CDHR3: variants seen among roughly 807,000 people sequenced by gnomAD.
CDHR3 encodes cadherin related family member 3, also known as cadherin-related family member 3.
A neutral mutation model predicts 86.6 loss-of-function variants in CDHR3; 79 were observed. That is an observed-to-expected ratio of 0.91 (90% confidence interval 0.76 to 1.10). CDHR3 has a LOEUF of 1.10. Among genes scored for constraint, CDHR3 ranks in the 50% least tolerant of loss-of-function variants. CDHR3 has a pLI of 0.00. For missense variants in CDHR3, 1,081 were observed against 1,077.6 expected (o/e 1.00, Z -0.04); for synonymous variants, 421 against 402.4 (o/e 1.05, Z -0.55).
At chr7:105,992,228 C>T (rs1831465071) in intron 4 of CDHR3, among the ~76,000 whole-genome samples, 1 of 152,174 alleles carries the variant, frequency 6.6e-6, no homozygotes, top group African/African-American at 2.4e-5. Context: ...GCTCCTAGAG[C>T]ATTTCAAAAC....
chr7:105,965,965 T>C (rs891226030), intron 1 of CDHR3, among the ~76,000 whole-genome samples: 3 of 152,186 alleles, frequency 2.0e-5, no homozygotes, highest in Non-Finnish European at 2.9e-5. Context: ...CTGCTTGATA[T>C]TGACATTTAA....
chr7:105,980,976 C>T lies in CDHR3; in HGVS notation c.258C>T (p.Thr86=), dbSNP rs1333185328. The T allele has an allele frequency of 6.2e-7, 1 of 1,606,402 alleles. No homozygotes were observed. Among genetic ancestry groups the T allele is most frequent in the Admixed American group, 1.7e-5 (1 of 58,784 alleles). Residue 86 remains threonine, a synonymous_variant, in exon 3 of 19, where the codon ACC becomes ACT. Transcript: ENST00000317716. ...TTTGCATTTTGTTTTAGGTTGTCAC[C>T]ACTGGGATGGAACAACTAGATTTTG... is the stretch of plus-strand genomic sequence containing the variant. ...WLSGTYFEVV[T]TGMEQLDFET... is the part of the protein sequence containing the mutation.
At chr7:106,011,106 C>T (rs916846303) in intron 8 of CDHR3, among the ~76,000 whole-genome samples, 4 of 152,048 alleles carry the variant, frequency 2.6e-5, no homozygotes, top group East Asian at 1.9e-4. Flanking sequence ...ATGACAGCCA[C>T]GATATATTTT....
At chr7:105,995,975 G>A (rs1249582361) in intron 5 of CDHR3, among the ~76,000 whole-genome samples, 2 of 152,112 alleles carry the variant, frequency 1.3e-5, no homozygotes, top group East Asian at 1.9e-4. Flanking sequence ...GAAAAACACC[G>A]GGATAGATGT....
intron 4 of CDHR3, among the ~76,000 whole-genome samples, chr7:105,986,892 A>C (rs1830608665): frequency 6.6e-6 from 1 of 152,142 alleles, no homozygotes; most frequent in South Asian, 2.1e-4. Context: ...AATTGCCAAG[A>C]TGTCATATTT....
chr7:105,980,612 T>A (rs958358975), intron 2 of CDHR3, among the ~76,000 whole-genome samples: 42 of 47,092 alleles, frequency 8.9e-4, no homozygotes, highest in Non-Finnish European at 1.9e-3. Flanking sequence ...TTTTAATTTT[T>A]TTTTTTTTTA....
chr7:106,005,934 A>T (rs115127456), intron 8 of CDHR3, among the ~76,000 whole-genome samples: 2,902 of 152,260 alleles, frequency 0.019, 94 homozygotes, highest in African/African-American at 0.065. Context: ...ACCGTATTAG[A>T]CTGTTTTCAT....
intron 16 of CDHR3, chr7:106,027,598 G>T (rs1462348941): frequency 2.3e-6 from 1 of 440,802 alleles, no homozygotes. Context: ...GTCCTGGCTT[G>T]GCCTCAAGTA....
rs375707208 is a variant in CDHR3 at position 106,018,041 on chromosome 7, C to T, written c.1622C>T (p.Ala541Val). Reference protein sequence around the residue: ...TTPIYILRIQATNNEDTSSVT... With the variant: ...TTPIYILRIQVTNNEDTSSVT... Reference sequence around the variant, plus strand: ...CCCATCTATATTCTCAGAATCCAGGCCACCAACAACGAAGACACAAGCTCT... The same window carrying T: ...CCCATCTATATTCTCAGAATCCAGGTCACCAACAACGAAGACACAAGCTCT... Residue 541 changes from alanine (A) to valine (V), a missense_variant, in exon 12 of 19, where the codon GCC (alanine) becomes GTC (valine). By Grantham distance (64) the Ala-to-Val change is moderately conservative. Coordinates refer to ENST00000317716, the MANE Select transcript of CDHR3 (RefSeq NM_152750.5). 1.9e-6 allele frequency: 3 copies of T among 1,613,736 alleles called. No individual in the cohort carries two copies. In the African/African-American group the frequency reaches 4.0e-5, roughly 22 times the overall value.
chr7:106,019,388 G>GTT lies in CDHR3; in HGVS notation c.1654-971_1654-970dup, dbSNP rs35278081. Among the ~76,000 whole-genome samples the GTT allele has an allele frequency of 2.1e-3, 298 of 141,610 alleles. 1 individual carries two copies. Among genetic ancestry groups the GTT allele is most frequent in the African/African-American group, 6.0e-3 (232 of 38,782 alleles). 92.9% of individuals were successfully genotyped at this position (141,610 alleles called of 152,430 possible). A position where few individuals can be genotyped will look rare whatever the true frequency, so the allele number is the denominator to read the frequency against. On this transcript the variant is annotated intron_variant, in intron 12 of 18. Coordinates refer to ENST00000317716, the MANE Select transcript of CDHR3 (RefSeq NM_152750.5). ...AGATAATTGCAGTGTTTGTTAGGCT[G>GTT]TTTTTTTTTTTTTTTAAAGAAAATG... is the stretch of plus-strand genomic sequence containing the variant.
At chr7:105,996,093 C>T (rs1438975829) in intron 5 of CDHR3, among the ~76,000 whole-genome samples, 157 bp from the exon 6 acceptor site, 1 of 152,144 alleles carries the variant, frequency 6.6e-6, no homozygotes, top group Admixed American at 6.5e-5. Flanking sequence ...AGAAAGGTCA[C>T]CCTGCAGGCC....
At chr7:105,993,692 A>G (rs1162178054) in intron 4 of CDHR3, among the ~76,000 whole-genome samples, 34 of 112,076 alleles carry the variant, frequency 3.0e-4, no homozygotes, top group African/African-American at 1.2e-3. Flanking sequence ...AAAAAAAAAA[A>G]AAAAAAAAAA....
rs527922463 is a variant in CDHR3 at position 105,981,208 on chromosome 7, G to A, written c.415+75G>A. On this transcript the variant is annotated intron_variant, in intron 3 of 18. Transcript: ENST00000317716. ...GGGCCCTGGGGGACAGAGAGAAACA[G>A]AAAAAGTAAATAAACAAGCAGCTGT... The A allele has an allele frequency of 4.8e-6, 7 of 1,444,536 alleles. No individual in the cohort carries two copies. The African/African-American group carries it at 8.5e-5, about 18-fold the overall frequency. 89.5% of individuals were successfully genotyped at this position (1,444,536 alleles called of 1,614,324 possible).
chr7:106,011,064 C>T (rs1335831952), intron 8 of CDHR3, among the ~76,000 whole-genome samples: 1 of 152,208 alleles, frequency 6.6e-6, no homozygotes, highest in African/African-American at 2.4e-5. Flanking sequence ...CAGTTATGCT[C>T]TCATGGTTAA....
intron 5 of CDHR3, among the ~76,000 whole-genome samples, chr7:105,995,060 T>C (rs1468309709): frequency 6.6e-6 from 1 of 152,198 alleles, no homozygotes; most frequent in Admixed American, 6.5e-5. Flanking sequence ...AGAACAAGAA[T>C]GACAGTATGG....
intron 4 of CDHR3, among the ~76,000 whole-genome samples, chr7:105,992,816 T>A (rs1831563698): frequency 6.6e-6 from 1 of 152,204 alleles, no homozygotes; most frequent in South Asian, 2.1e-4. Flanking sequence ...AAAATGAGAT[T>A]TAATAGGTGG....
At chr7:106,012,622 G>A (rs1834984395) in intron 8 of CDHR3, among the ~76,000 whole-genome samples, 1 of 152,186 alleles carries the variant, frequency 6.6e-6, no homozygotes, top group Non-Finnish European at 1.5e-5. Context: ...GGACTTAGGA[G>A]CAGAGGAGTG....
At position 106,019,500 on chromosome 7, in the gene CDHR3, G is replaced by A. The variant is rs73721903; in HGVS notation, c.1654-873G>A. On this transcript the variant is annotated intron_variant, in intron 12 of 18. Coordinates refer to ENST00000317716, the MANE Select transcript of CDHR3 (RefSeq NM_152750.5). Reference sequence around the variant, plus strand: ...ATAGCTGAAATCCCAAATTTCAAAGGTAGTATGAATATGACTCAAAATTCA... The same window carrying A: ...ATAGCTGAAATCCCAAATTTCAAAGATAGTATGAATATGACTCAAAATTCA... Among the ~76,000 whole-genome samples the A allele has an allele frequency of 2.0e-3, 297 of 152,130 alleles. 2 individuals are homozygous for A. Among genetic ancestry groups the A allele is most frequent in the African/African-American group, 6.7e-3 (278 of 41,484 alleles).
In CDHR3 at chr7:106,004,411, C is replaced by T. The variant is rs955790663; in HGVS notation, c.863-87C>T. The T allele has an allele frequency of 7.4e-5, 76 of 1,029,364 alleles. No homozygotes were observed. The South Asian group carries it at 1.0e-3, about 14-fold the overall frequency. 63.8% of individuals were successfully genotyped at this position (1,029,364 alleles called of 1,614,324 possible). ...CTCTGCATAAGCTCTTCCTCATGTTCGAATGGTCTTTTCCAGTTTTCTCCA... is the reference window on the plus strand; with the variant it reads ...CTCTGCATAAGCTCTTCCTCATGTTTGAATGGTCTTTTCCAGTTTTCTCCA... On this transcript the variant is annotated intron_variant, in intron 7 of 18. Coordinates refer to ENST00000317716, the MANE Select transcript of CDHR3 (RefSeq NM_152750.5).
Sources: allele counts gnomAD v4.1 joint callset (sites outside exome capture counted in the v4.1 genomes callset), GRCh38; gene constraint gnomAD v4.1.1; transcripts MANE v1.5; gene names NCBI Gene and HGNC (gene_info 2026-07-23, HGNC 2026-07-21).